Variants in EPHB1 observed in about 807,000 individuals in gnomAD.
EPHB1 encodes ephrin type-B receptor 1.
A neutral mutation model predicts 94.4 loss-of-function variants in EPHB1; 30 were observed. That is an observed-to-expected ratio of 0.32 (90% confidence interval 0.24 to 0.43). The LOEUF (loss-of-function observed/expected upper bound fraction) is 0.43, where lower values mean the gene tolerates loss of function less well. Ranked by LOEUF, EPHB1 falls within the 20% of genes least tolerant of loss-of-function variation. EPHB1 has a pLI of 1.00. For missense variants in EPHB1, 1,055 were observed against 1,308.3 expected (o/e 0.81, Z 2.99); for synonymous variants, 522 against 489.1 (o/e 1.07, Z -0.89).
rs371299915 is a variant in EPHB1 at position 135,086,188 on chromosome 3, G to A, written c.806-20260G>A. Among the ~76,000 whole-genome samples the A allele has an allele frequency of 1.9e-3, 291 of 152,130 alleles. 4 individuals are homozygous for A. Among genetic ancestry groups the A allele is most frequent in the African/African-American group, 6.7e-3 (280 of 41,488 alleles). Reference sequence around the variant, plus strand: ...CATCCATGTTAGGGTTAGGAAGTCCGGGCAGCCCCTTCCAGGACCGAGCTG... The same window carrying A: ...CATCCATGTTAGGGTTAGGAAGTCCAGGCAGCCCCTTCCAGGACCGAGCTG... On this transcript the variant is annotated intron_variant, in intron 3 of 15. Transcript: ENST00000398015.
intron 3 of EPHB1, among the ~76,000 whole-genome samples, chr3:135,071,583 G>A (rs1396122822): frequency 6.6e-6 from 1 of 152,146 alleles, no homozygotes; most frequent in Non-Finnish European, 1.5e-5. Context: ...AAAATTTAAA[G>A]CAATTTGACA....
At chr3:135,027,398 T>G (rs2107757903) in intron 3 of EPHB1, among the ~76,000 whole-genome samples, 1 of 146,046 alleles carries the variant, frequency 6.8e-6, no homozygotes, top group South Asian at 2.3e-4. Context: ...CATCAATACC[T>G]AATTTATTGA....
chr3:135,135,932 T>G (rs1576417161), intron 5 of EPHB1, among the ~76,000 whole-genome samples: 1 of 152,320 alleles, frequency 6.6e-6, no homozygotes, highest in East Asian at 1.9e-4. Context: ...TTCTTTTGAG[T>G]TCACAAAGAA....
At chr3:134,962,642 C>A (rs1456663553) in intron 3 of EPHB1, among the ~76,000 whole-genome samples, 1 of 152,106 alleles carries the variant, frequency 6.6e-6, no homozygotes, top group Non-Finnish European at 1.5e-5. Flanking sequence ...CCTGCCCTGC[C>A]GCATGCATCT....
intron 3 of EPHB1, among the ~76,000 whole-genome samples, chr3:135,031,527 C>G (rs1476929137): frequency 1.3e-5 from 2 of 152,188 alleles, no homozygotes; most frequent in African/African-American, 4.8e-5. Context: ...CCATGCTGGT[C>G]TTGAACTCCT....
rs115112321 is a variant in EPHB1 at position 135,159,074 on chromosome 3, A to G, written c.1423-2944A>G. 3.3e-3 allele frequency among the ~76,000 whole-genome samples: 504 copies of G among 152,282 alleles called. 1 individual carries two copies. The highest frequency in any genetic ancestry group is 0.011 in the African/African-American group (475 of 41,554). On this transcript the variant is annotated intron_variant, in intron 6 of 15. Coordinates refer to ENST00000398015, the MANE Select transcript of EPHB1 (RefSeq NM_004441.5). ...CCAGGTGGTACAAGCATTGCGCTGCATATTGGGGTGGGGAAGGAGAAATGA... is the reference window on the plus strand; with the variant it reads ...CCAGGTGGTACAAGCATTGCGCTGCGTATTGGGGTGGGGAAGGAGAAATGA...
intron 2 of EPHB1, among the ~76,000 whole-genome samples, chr3:134,931,520 C>T (rs2038902619): frequency 1.3e-5 from 2 of 152,204 alleles, no homozygotes; most frequent in African/African-American, 2.4e-5. Flanking sequence ...GGCTTCCAGT[C>T]TCCTCCTCCT....
rs148698859 is a variant in EPHB1 at position 135,251,684 on chromosome 3, G to A, written c.2846+2193G>A. ...CCTAAAGTATTTGCCAAAAAGACAT[G>A]AACACTTTGAGCATCTCAACCAGCA... On this transcript the variant is annotated intron_variant, in intron 15 of 15. Transcript: ENST00000398015. Among the ~76,000 whole-genome samples, 13 of 152,286 alleles carry A rather than the reference G, an allele frequency of 8.5e-5. No individual in the cohort carries two copies. The East Asian group carries it at 2.5e-3, about 29-fold the overall frequency.
intron 1 of EPHB1, among the ~76,000 whole-genome samples, chr3:134,916,596 G>A (rs972080628): frequency 1.1e-4 from 16 of 152,242 alleles, no homozygotes; most frequent in Non-Finnish European, 4.4e-5. Flanking sequence ...CGCAGCTGCT[G>A]GCCCGGGTGC....
At chr3:135,041,063 T>A (rs568711521) in intron 3 of EPHB1, among the ~76,000 whole-genome samples, 2 of 152,268 alleles carry the variant, frequency 1.3e-5, no homozygotes, top group Admixed American at 6.5e-5. Context: ...AGTTCCCTGC[T>A]GGTAAAGGAT....
chr3:135,175,444 G>A (rs1326068865), intron 9 of EPHB1, among the ~76,000 whole-genome samples: 3 of 152,160 alleles, frequency 2.0e-5, no homozygotes, highest in Non-Finnish European at 4.4e-5. Context: ...GTCCTTTAAG[G>A]CTGTAGTTAA....
chr3:134,846,517 T>A (rs2036875102), intron 1 of EPHB1, among the ~76,000 whole-genome samples: 1 of 152,194 alleles, frequency 6.6e-6, no homozygotes, highest in South Asian at 2.1e-4. Flanking sequence ...AATTTACTAT[T>A]CATTATTGTT....
At chr3:135,226,575 T>C (rs1469683625) in intron 12 of EPHB1, among the ~76,000 whole-genome samples, 1 of 152,120 alleles carries the variant, frequency 6.6e-6, no homozygotes, top group Non-Finnish European at 1.5e-5. Context: ...CAACCCTGAA[T>C]TCGACTCTTT....
chr3:135,105,306 T>C (rs910253040), intron 3 of EPHB1, among the ~76,000 whole-genome samples: 1 of 152,202 alleles, frequency 6.6e-6, no homozygotes, highest in Non-Finnish European at 1.5e-5. Flanking sequence ...CCCTATGTCA[T>C]GTTTTCAGCA....
intron 2 of EPHB1, among the ~76,000 whole-genome samples, chr3:134,948,629 A>C (rs939092521): frequency 3.3e-5 from 5 of 152,274 alleles, no homozygotes; most frequent in African/African-American, 1.2e-4. Flanking sequence ...TACTCCATGC[A>C]GGCCACAGAG....
chr3:135,156,979 CAATAAT>C (rs1406606734), intron 6 of EPHB1, among the ~76,000 whole-genome samples: 3 of 152,086 alleles, frequency 2.0e-5, no homozygotes, highest in Non-Finnish European at 4.4e-5. Flanking sequence ...CTCAGAAAAA[CAATAAT>C]AATTTCTCCC....
In EPHB1 at chr3:135,048,289, G is replaced by A. The variant is rs546803776; in HGVS notation, c.806-58159G>A. Among the ~76,000 whole-genome samples, 13 of 81,826 alleles carry A rather than the reference G, an allele frequency of 1.6e-4. No individual in the cohort carries two copies. The South Asian group carries it at 5.4e-3, about 34-fold the overall frequency. The allele number at this position is 81,826 out of a possible 152,430, so 53.7% of individuals were successfully genotyped here. A position where few individuals can be genotyped will look rare whatever the true frequency, so the allele number is the denominator to read the frequency against. ...TTTTTTTTTTTTTTTTTTTGAGATAGGGTCTCACTCTTCCAGGCTGGAGTG... is the reference window on the plus strand; with the variant it reads ...TTTTTTTTTTTTTTTTTTTGAGATAAGGTCTCACTCTTCCAGGCTGGAGTG... On this transcript the variant is annotated intron_variant, in intron 3 of 15. Coordinates refer to ENST00000398015, the MANE Select transcript of EPHB1 (RefSeq NM_004441.5).
intron 1 of EPHB1, among the ~76,000 whole-genome samples, chr3:134,900,176 G>A (rs1333399221): frequency 6.6e-6 from 1 of 152,124 alleles, no homozygotes; most frequent in African/African-American, 2.4e-5. Context: ...GTCATGGCAG[G>A]CAAAGGCCAC....
chr3:135,080,930 G>A (rs976883739), intron 3 of EPHB1, among the ~76,000 whole-genome samples: 3 of 152,172 alleles, frequency 2.0e-5, no homozygotes, highest in Non-Finnish European at 4.4e-5. Context: ...TGAGAGTTGA[G>A]TGATATAATT....
Sources: allele counts gnomAD v4.1 joint callset (sites outside exome capture counted in the v4.1 genomes callset), GRCh38; gene constraint gnomAD v4.1.1; transcripts MANE v1.5; gene names NCBI Gene and HGNC (gene_info 2026-07-23, HGNC 2026-07-21).